Variants in PPFIA2 observed in about 807,000 individuals in gnomAD.
The protein encoded by PPFIA2 is PPFI scaffold protein A2, also known as liprin-alpha-2.
A neutral mutation model predicts 175.5 loss-of-function variants in PPFIA2; 46 were observed. The observed-to-expected ratio is 0.26, with a 90% confidence interval of 0.21 to 0.34. The LOEUF (loss-of-function observed/expected upper bound fraction) is 0.34. PPFIA2 is among the 10% of genes least tolerant of loss of function. The probability of loss-of-function intolerance (pLI) is 1.00; values close to 1 mark genes in which losing one functional copy is unlikely to be tolerated. For missense variants in PPFIA2, 1,179 were observed against 1,506.1 expected, an observed-to-expected ratio of 0.78 and a Z score of 3.60; for synonymous variants, 568 against 511.4, an observed-to-expected ratio of 1.11 and a Z score of -1.49.
intron 3 of PPFIA2, among the ~76,000 whole-genome samples, chr12:81,732,525 A>T (rs1024928176): frequency 4.6e-5 from 7 of 150,770 alleles, no homozygotes; most frequent in Non-Finnish European, 1.0e-4. Flanking sequence ...AAAAAAAAAA[A>T]AAAACACTCA....
intron 4 of PPFIA2, among the ~76,000 whole-genome samples, chr12:81,659,335 A>C (rs879335162): frequency 6.6e-6 from 1 of 152,192 alleles, no homozygotes; most frequent in Non-Finnish European, 1.5e-5. Flanking sequence ...GGTGACAGAC[A>C]GCACCTGGAA....
intron 7 of PPFIA2, among the ~76,000 whole-genome samples, chr12:81,434,861 C>T (rs1437381011): frequency 6.6e-6 from 1 of 151,774 alleles, no homozygotes; most frequent in African/African-American, 2.4e-5. Flanking sequence ...ATTTCAAACA[C>T]TACAGAAACA....
At chr12:81,616,702 C>T (rs945718689) in intron 4 of PPFIA2, among the ~76,000 whole-genome samples, 1 of 152,114 alleles carries the variant, frequency 6.6e-6, no homozygotes, top group African/African-American at 2.4e-5. Context: ...ACATTCACCA[C>T]ACATTTACTT....
chr12:81,586,765 T>C (rs1299892446), intron 4 of PPFIA2, among the ~76,000 whole-genome samples: 1 of 151,880 alleles, frequency 6.6e-6, no homozygotes. Context: ...TTACTGAGCT[T>C]CCCTAATTGA....
chr12:81,297,661 T>G (rs2046823526), intron 23 of PPFIA2, among the ~76,000 whole-genome samples: 1 of 152,240 alleles, frequency 6.6e-6, no homozygotes, highest in Admixed American at 6.5e-5. Context: ...TGGACCCTAA[T>G]GATTTTTTTA....
chr12:81,574,863 A>C (rs2073227809), intron 4 of PPFIA2, among the ~76,000 whole-genome samples: 1 of 151,778 alleles, frequency 6.6e-6, no homozygotes, highest in Non-Finnish European at 1.5e-5. Context: ...CCTTTGTGTT[A>C]CCAAGGGTTA....
chr12:81,362,539 T>C (rs1414072595), intron 15 of PPFIA2, among the ~76,000 whole-genome samples, 154 bp downstream of exon 15: 3 of 151,596 alleles, frequency 2.0e-5, no homozygotes, highest in Admixed American at 1.3e-4. Flanking sequence ...TATTTTTGAA[T>C]GTAAAAACTG....
intron 4 of PPFIA2, among the ~76,000 whole-genome samples, chr12:81,663,527 C>T (rs566249016): frequency 1.6e-4 from 25 of 151,942 alleles, no homozygotes; most frequent in East Asian, 7.7e-4. Flanking sequence ...CACTGCTCAA[C>T]GAAATAAAAG....
At chr12:81,601,253 C>A (rs758644166) in intron 4 of PPFIA2, among the ~76,000 whole-genome samples, 7 of 151,700 alleles carry the variant, frequency 4.6e-5, no homozygotes, top group Non-Finnish European at 8.8e-5. Flanking sequence ...ACAATTTTTC[C>A]AGAACATTTT....
chr12:81,711,794 T>A (rs1004014742), intron 3 of PPFIA2, among the ~76,000 whole-genome samples: 11 of 150,700 alleles, frequency 7.3e-5, no homozygotes, highest in South Asian at 2.1e-4. Context: ...TTTTTTTTTT[T>A]AATTAGGAGG....
chr12:81,681,470 G>C (rs2073617522), intron 3 of PPFIA2, among the ~76,000 whole-genome samples: 1 of 151,998 alleles, frequency 6.6e-6, no homozygotes. Flanking sequence ...GAGGTGATCA[G>C]TGTCAGAGCT....
intron 4 of PPFIA2, among the ~76,000 whole-genome samples, chr12:81,574,350 T>C (rs2073116819): frequency 1.3e-5 from 2 of 151,818 alleles, no homozygotes; most frequent in South Asian, 4.1e-4. Context: ...AGTACTAAAA[T>C]TACATGAAAC....
At chr12:81,432,745 C>T (rs150073037) in intron 7 of PPFIA2, among the ~76,000 whole-genome samples, 6 of 152,214 alleles carry the variant, frequency 3.9e-5, no homozygotes, top group African/African-American at 1.4e-4. Context: ...GCGTGAGCCA[C>T]TACGCCCGGC....
At chr12:81,405,592 T>C (rs879849700) in intron 8 of PPFIA2, among the ~76,000 whole-genome samples, 195 bp downstream of exon 8, 4 of 151,974 alleles carry the variant, frequency 2.6e-5, no homozygotes, top group East Asian at 1.9e-4. Context: ...ACACACAACA[T>C]ATACACATAT....
chr12:81,429,032 C>T (rs1236806350), intron 7 of PPFIA2, among the ~76,000 whole-genome samples: 1 of 151,996 alleles, frequency 6.6e-6, no homozygotes, highest in East Asian at 1.9e-4. Flanking sequence ...TCTCTTTTAT[C>T]TGACTTTCTG....
chr12:81,540,049 G>C (rs550289277), intron 4 of PPFIA2, among the ~76,000 whole-genome samples: 5 of 151,802 alleles, frequency 3.3e-5, no homozygotes, highest in South Asian at 2.1e-4. Context: ...TGGAAAAACA[G>C]AGAGAGAGAG....
chr12:81,402,527 T>A, intron 8 of PPFIA2, among the ~76,000 whole-genome samples: 1 of 152,130 alleles, frequency 6.6e-6, no homozygotes, highest in East Asian at 1.9e-4. Flanking sequence ...ATCAGGATAC[T>A]GTTTTATGTT....
At chr12:81,522,666 T>A (rs982497037) in intron 4 of PPFIA2, among the ~76,000 whole-genome samples, 2 of 152,226 alleles carry the variant, frequency 1.3e-5, no homozygotes, top group African/African-American at 4.8e-5. Flanking sequence ...TTTCACCAAA[T>A]TTTAACCTAA....
At chr12:81,283,332 T>C (rs1009181345) in intron 25 of PPFIA2, among the ~76,000 whole-genome samples, 1 of 152,072 alleles carries the variant, frequency 6.6e-6, no homozygotes, top group Non-Finnish European at 1.5e-5. Flanking sequence ...ATGAGTGTAA[T>C]TTTTAAAATG....
Sources: gnomAD v4.1 joint callset for allele counts (sites outside exome capture counted in the v4.1 genomes callset) on GRCh38, gnomAD v4.1.1 for gene constraint, MANE v1.5 for transcripts, NCBI Gene and HGNC (gene_info 2026-07-23, HGNC 2026-07-21) for gene names.